The following KIF5A variants were observed in gnomAD, a reference collection of about 807,000 sequenced individuals.
The protein encoded by KIF5A is kinesin family member 5A.
In KIF5A, 35 loss-of-function variants were observed where a neutral mutation model predicts 141.3. That is an observed-to-expected ratio of 0.25 (90% confidence interval 0.19 to 0.33). The LOEUF (loss-of-function observed/expected upper bound fraction) is 0.33. KIF5A is among the 10% of genes least tolerant of loss of function. KIF5A has a pLI of 1.00. For synonymous variants in KIF5A, 448 were observed against 500.2 expected, an observed-to-expected ratio of 0.90 and a Z score of 1.39; for missense variants, 861 against 1,314.3, an observed-to-expected ratio of 0.66 and a Z score of 5.33.
At chr12:57,564,822 G>T in intron 5 of KIF5A, 96 bp from the exon 6 acceptor site, 1 of 1,180,744 alleles carries the variant, frequency 8.5e-7, no homozygotes, top group Non-Finnish European at 1.3e-6. Context: ...TCTTCCTTTA[G>T]CACAGAGAAG....
chr12:57,574,901 T>C (rs751229450), intron 15 of KIF5A, among the ~76,000 whole-genome samples, 183 bp from the exon 16 acceptor site: 18 of 152,126 alleles, frequency 1.2e-4, no homozygotes, highest in Non-Finnish European at 2.6e-4. Context: ...GATTTTTAAA[T>C]GCAGGCGGAG....
At chr12:57,559,603 T>TA (rs1302028338) in intron 1 of KIF5A, among the ~76,000 whole-genome samples, 1 of 152,164 alleles carries the variant, frequency 6.6e-6, no homozygotes, top group Non-Finnish European at 1.5e-5. Flanking sequence ...TTTTATGACA[T>TA]ATGTAGACAC....
At position 57,550,135 on chromosome 12, in the gene KIF5A, G is replaced by T; in HGVS notation, c.-137G>T. On this transcript the variant is annotated 5_prime_UTR_variant, in exon 1 of 29. Transcript: ENST00000455537. This position sits in a 1 kb window ranked among gnomAD's most constrained non-coding sequence, Gnocchi z 4.6. Reference sequence around the variant, plus strand: ...GCCCCGGCCCTGCTCCCCAGGCTTCGCCCGGGCGCCCTCAACTCTGTCCCC... The same window carrying T: ...GCCCCGGCCCTGCTCCCCAGGCTTCTCCCGGGCGCCCTCAACTCTGTCCCC... 7.9e-7 allele frequency: 1 copy of T among 1,265,808 alleles called. No homozygotes were observed. The allele number at this position is 1,265,808 out of a possible 1,614,324, so 78.4% of individuals were successfully genotyped here.
chr12:57,563,373 G>T, intron 1 of KIF5A, 66 bp from the exon 2 acceptor site: 2 of 1,157,742 alleles, frequency 1.7e-6, no homozygotes, highest in South Asian at 2.5e-5. Flanking sequence ...CTGGAAGGAG[G>T]TTGTGGTATT....
Position 57,550,521 on chromosome 12 carries a change from C to G in KIF5A, c.129+121C>G, listed in dbSNP as rs532943668. 4.4e-4 allele frequency: 474 copies of G among 1,076,240 alleles called. 1 individual carries two copies. The highest frequency in any genetic ancestry group is 9.0e-5 in the Non-Finnish European group (66 of 735,150). 66.7% of individuals were successfully genotyped at this position (1,076,240 alleles called of 1,614,324 possible). A position where few individuals can be genotyped will look rare whatever the true frequency, so the allele number is the denominator to read the frequency against. On this transcript the variant is annotated intron_variant, in intron 1 of 28. Coordinates refer to ENST00000455537, the MANE Select transcript of KIF5A (RefSeq NM_004984.4). The surrounding 1 kb of genome is among the most constrained non-coding windows in gnomAD (Gnocchi z 4.6). ...CCCTCCCCGCCGCTCATCCTTCATC[C>G]TCTTCCCCGCAGCCCCTCCTCTCCC...
intron 25 of KIF5A, 44 bp downstream of exon 25, chr12:57,581,612 C>G (rs752378603): frequency 3.1e-6 from 5 of 1,608,190 alleles, no homozygotes; most frequent in Non-Finnish European, 4.3e-6. Context: ...CCAAAGCTCC[C>G]TGGACCCTAG....
chr12:57,575,570 G>T, intron 16 of KIF5A, 70 bp from the exon 17 acceptor site: 1 of 1,276,162 alleles, frequency 7.8e-7, no homozygotes, highest in Non-Finnish European at 1.1e-6. Flanking sequence ...AGCTGGAGTT[G>T]GAGATCTGTG....
chr12:57,570,466 G>A (rs1426959711), intron 12 of KIF5A, among the ~76,000 whole-genome samples: 2 of 152,076 alleles, frequency 1.3e-5, no homozygotes, highest in African/African-American at 4.8e-5. Context: ...AGGCACGATT[G>A]TGGTTCACTG....
intron 1 of KIF5A, among the ~76,000 whole-genome samples, chr12:57,554,276 G>T (rs1024096530): frequency 6.6e-6 from 1 of 152,130 alleles, no homozygotes; most frequent in African/African-American, 2.4e-5. Flanking sequence ...AGCCTGTTTC[G>T]TCATCTATAA....
chr12:57,569,123 C>A, intron 9 of KIF5A, 56 bp downstream of exon 9: 1 of 1,550,394 alleles, frequency 6.4e-7, no homozygotes, highest in Non-Finnish European at 8.9e-7. Flanking sequence ...TCCTCCCCCA[C>A]CTGCTAATGC....
At chr12:57,555,858 A>G (rs1439020274) in intron 1 of KIF5A, among the ~76,000 whole-genome samples, 1 of 149,642 alleles carries the variant, frequency 6.7e-6, no homozygotes, top group Non-Finnish European at 1.5e-5. Flanking sequence ...GCAGTGAGCC[A>G]AGATCATGCT....
At chr12:57,561,046 G>T (rs1023888693) in intron 1 of KIF5A, among the ~76,000 whole-genome samples, 4 of 151,904 alleles carry the variant, frequency 2.6e-5, no homozygotes, top group African/African-American at 4.8e-5. Flanking sequence ...TTGTTTATTT[G>T]TTTGTTTGTT....
chr12:57,570,130 A>C lies in KIF5A; in HGVS notation c.1261A>C (p.Ile421Leu). 6.2e-7 allele frequency: 1 copy of C among 1,614,062 alleles called. No homozygotes were observed. Among genetic ancestry groups the C allele is most frequent in the Admixed American group, 1.7e-5 (1 of 60,026 alleles). ...GGAGCGGCAGAAATACGAGGAGGAG[A>C]TCCGCCGTCTCTATAAGCAGCTTGA... ...PEERQKYEEE[I>L]RRLYKQLDDK... Residue 421 changes from isoleucine to leucine, a missense_variant, in exon 12 of 29, where the codon ATC becomes CTC. Physicochemically the swap from Ile to Leu is conservative, Grantham distance 5. Transcript: ENST00000455537.
At chr12:57,577,126 T>C (rs915236963) in intron 20 of KIF5A, among the ~76,000 whole-genome samples, 1 of 152,194 alleles carries the variant, frequency 6.6e-6, no homozygotes, top group East Asian at 1.9e-4. Context: ...CCCATAAAAA[T>C]GTATACATGG....
Position 57,550,335 on chromosome 12 carries a change from G to A in KIF5A, c.64G>A (p.Ala22Thr), listed in dbSNP as rs1371053668. 6.2e-7 allele frequency: 1 copy of A among 1,614,226 alleles called. No individual in the cohort carries two copies. Among genetic ancestry groups the A allele is most frequent in the East Asian group, 2.2e-5 (1 of 44,886 alleles). ...CTGCCGATTCCGGCCCCTGAACCAG[G>A]CTGAGATTCTGCGGGGAGACAAGTT... Reference protein sequence around the residue: ...VLCRFRPLNQAEILRGDKFIP... With the variant: ...VLCRFRPLNQTEILRGDKFIP... Residue 22 changes from alanine (A) to threonine (T), a missense_variant, in exon 1 of 29, where the codon GCT becomes ACT. Ala to Thr is a moderately conservative substitution (Grantham distance 58). Transcript: ENST00000455537. The surrounding 1 kb of genome is among the most constrained non-coding windows in gnomAD (Gnocchi z 4.6).
In KIF5A at chr12:57,567,423, G is replaced by A. The variant is rs1882099334; in HGVS notation, c.590-71G>A. 13 of 1,596,754 alleles carry A rather than the reference G, an allele frequency of 8.1e-6. No individual in the cohort carries two copies. The South Asian group carries it at 1.5e-4, about 18-fold the overall frequency. ...CTCTGGGTGGGCGGGGCTGGGGTCA[G>A]TGGAAGCCGGGGGCTGAGGACCTCA... is the stretch of plus-strand genomic sequence containing the variant. On this transcript the variant is annotated intron_variant, in intron 7 of 28. Coordinates refer to ENST00000455537, the MANE Select transcript of KIF5A (RefSeq NM_004984.4).
At chr12:57,579,548 T>C (rs958366630) in intron 23 of KIF5A, among the ~76,000 whole-genome samples, 3 of 152,188 alleles carry the variant, frequency 2.0e-5, no homozygotes, top group Non-Finnish European at 4.4e-5. Context: ...AGTGATAATG[T>C]ACAGAGTTTA....
intron 20 of KIF5A, 96 bp from the exon 21 acceptor site, chr12:57,577,617 G>A (rs1040910443): frequency 6.5e-6 from 6 of 920,258 alleles, no homozygotes; most frequent in South Asian, 2.8e-5. Flanking sequence ...AACAATAATA[G>A]TAATACTTAA....
At chr12:57,577,834 TC>T (rs1882473938) in intron 21 of KIF5A, 61 bp downstream of exon 21, 9 of 1,431,746 alleles carry the variant, frequency 6.3e-6, no homozygotes, top group Non-Finnish European at 8.9e-6. Flanking sequence ...CTTCATTTCT[TC>T]CTAACCCTAT....
Sources: allele counts gnomAD v4.1 joint callset (sites outside exome capture counted in the v4.1 genomes callset), GRCh38; gene constraint gnomAD v4.1.1; non-coding constraint Gnocchi (gnomAD v3.1); transcripts MANE v1.5; gene names NCBI Gene and HGNC (gene_info 2026-07-23, HGNC 2026-07-21).